Variants in PARD3B observed in about 807,000 individuals in gnomAD.
PARD3B encodes the protein partitioning defective 3 homolog B.
A neutral mutation model predicts 130.2 loss-of-function variants in PARD3B; 103 were observed. That is an observed-to-expected ratio of 0.79 (90% CI 0.67 to 0.93). The LOEUF is 0.93. PARD3B is among the 40% of genes least tolerant of loss of function. PARD3B has a pLI of 0.00. For missense variants in PARD3B, 1,609 were observed against 1,499.2 expected (o/e 1.07, Z -1.21); for synonymous variants, 583 against 553.2 (o/e 1.05, Z -0.76).
Position 204,689,020 on chromosome 2 carries a change from A to T in PARD3B, c.222+2738A>T, listed in dbSNP as rs1308626812. Among the ~76,000 whole-genome samples the T allele has an allele frequency of 6.6e-6, 1 of 152,222 alleles. No individual in the cohort carries two copies. Among genetic ancestry groups the T allele is most frequent in the African/African-American group, 2.4e-5 (1 of 41,462 alleles). On this transcript the variant is annotated intron_variant, in intron 2 of 22. Transcript: ENST00000406610. This position sits in a 1 kb window ranked among gnomAD's most constrained non-coding sequence, Gnocchi z 5.2. ...GTTGGTCTATTGCAGCATATCAGGC[A>T]GGAAAAACAGAAACTTAGAAAGCAG...
intron 4 of PARD3B, among the ~76,000 whole-genome samples, chr2:205,052,750 G>A (rs973075401): frequency 6.6e-6 from 1 of 151,940 alleles, no homozygotes; most frequent in African/African-American, 2.4e-5. Context: ...AAATAATGAA[G>A]GTTAGTTCAT....
At chr2:205,326,617 G>A (rs988788955) in intron 18 of PARD3B, among the ~76,000 whole-genome samples, 1 of 152,018 alleles carries the variant, frequency 6.6e-6, no homozygotes, top group Admixed American at 6.6e-5. Flanking sequence ...AAGAAAATTG[G>A]GGAAAAAATT....
intron 1 of PARD3B, among the ~76,000 whole-genome samples, chr2:204,594,549 A>G (rs889919279): frequency 6.6e-6 from 1 of 152,200 alleles, no homozygotes; most frequent in African/African-American, 2.4e-5. Flanking sequence ...CAGTGGAGCC[A>G]GACTGTATCC....
rs1207032247 is a variant in PARD3B at position 205,470,471 on chromosome 2, T to C, written c.3045-29425T>C. Among the ~76,000 whole-genome samples the C allele has an allele frequency of 1.3e-5, 2 of 152,188 alleles. No individual in the cohort carries two copies. Among genetic ancestry groups the C allele is most frequent in the Non-Finnish European group, 2.9e-5 (2 of 68,042 alleles). On this transcript the variant is annotated intron_variant, in intron 20 of 22. Transcript: ENST00000406610. The surrounding 1 kb of genome is among the most constrained non-coding windows in gnomAD (Gnocchi z 4.8). Reference sequence around the variant, plus strand: ...CTCACCCCTGCAGGAGTATTTAAGCTTAACCCCAGATTTCAGGAGTTAGAG... The same window carrying C: ...CTCACCCCTGCAGGAGTATTTAAGCCTAACCCCAGATTTCAGGAGTTAGAG...
intron 2 of PARD3B, among the ~76,000 whole-genome samples, chr2:204,853,399 G>T (rs549125361): frequency 6.6e-6 from 1 of 152,200 alleles, no homozygotes; most frequent in African/African-American, 2.4e-5. Context: ...GATGAAGCCT[G>T]AATGTGTGAA....
At chr2:205,468,213 G>A (rs755123136) in intron 20 of PARD3B, among the ~76,000 whole-genome samples, 11 of 152,294 alleles carry the variant, frequency 7.2e-5, no homozygotes, top group Non-Finnish European at 1.5e-4. Flanking sequence ...AGAAGGCTTC[G>A]ACAACAACTA....
chr2:204,976,487 G>T (rs554537529), intron 3 of PARD3B, among the ~76,000 whole-genome samples: 1 of 151,644 alleles, frequency 6.6e-6, no homozygotes, highest in Non-Finnish European at 1.5e-5. Flanking sequence ...AGAGAATACT[G>T]TCTGCCACAT....
rs1305099781 is a variant in PARD3B, at chr2:204,803,158, AAAAAAATAT to A, written c.222+116878_222+116886del. 1.3e-3 allele frequency among the ~76,000 whole-genome samples: 180 copies of A among 133,346 alleles called. 1 individual carries two copies. Among genetic ancestry groups the A allele is most frequent in the African/African-American group, 5.1e-3 (173 of 33,738 alleles). The allele number at this position is 133,346 out of a possible 152,430, so 87.5% of individuals were successfully genotyped here. A position where few individuals can be genotyped will look rare whatever the true frequency, so the allele number is the denominator to read the frequency against. On this transcript the variant is annotated intron_variant, in intron 2 of 22. Coordinates refer to ENST00000406610, the MANE Select transcript of PARD3B (RefSeq NM_001302769.2). ...AAGTGCTGAAGGAAAAAAAAAAAAA[AAAAAAATAT>A]ATATATATATATATAATCCTAGATA...
intron 18 of PARD3B, among the ~76,000 whole-genome samples, chr2:205,355,920 C>G (rs1383433266): frequency 1.3e-5 from 2 of 152,170 alleles, no homozygotes; most frequent in African/African-American, 4.8e-5. Flanking sequence ...CTCACTGTCA[C>G]AAGAAAAGCA....
chr2:204,714,445 T>C (rs751096596), intron 2 of PARD3B, among the ~76,000 whole-genome samples: 30 of 152,136 alleles, frequency 2.0e-4, no homozygotes, highest in Non-Finnish European at 3.2e-4. Context: ...CATTCAGAGA[T>C]TTAGTTATTA....
chr2:205,560,487 A>G (rs2053091375), intron 22 of PARD3B, among the ~76,000 whole-genome samples: 1 of 152,130 alleles, frequency 6.6e-6, no homozygotes, highest in South Asian at 2.1e-4. Flanking sequence ...CTGTTAGAAC[A>G]CTCCTGAGAG....
At chr2:205,314,778 A>C (rs1489506946) in intron 18 of PARD3B, among the ~76,000 whole-genome samples, 4 of 152,168 alleles carry the variant, frequency 2.6e-5, no homozygotes, top group Non-Finnish European at 5.9e-5. Context: ...TGGCCCTGCC[A>C]CAACCTCAGC....
intron 18 of PARD3B, among the ~76,000 whole-genome samples, chr2:205,334,820 G>A (rs1293243860): frequency 1.3e-5 from 2 of 152,202 alleles, no homozygotes; most frequent in African/African-American, 4.8e-5. Flanking sequence ...TCACACCAAA[G>A]TGAAGGACAA....
chr2:205,324,403 A>G lies in PARD3B; in HGVS notation c.2630+22702A>G, dbSNP rs139281672. 1.4e-3 allele frequency among the ~76,000 whole-genome samples: 219 copies of G among 152,274 alleles called. 1 individual carries two copies. The highest frequency in any genetic ancestry group is 4.9e-3 in the African/African-American group (205 of 41,558). On this transcript the variant is annotated intron_variant, in intron 18 of 22. Coordinates refer to ENST00000406610, the MANE Select transcript of PARD3B (RefSeq NM_001302769.2). ...TAGAACAACACTCATTTTTATTAAAATAAAAGATTAATACTTCTTTAAAAA... is the reference window on the plus strand; with the variant it reads ...TAGAACAACACTCATTTTTATTAAAGTAAAAGATTAATACTTCTTTAAAAA...
At chr2:205,410,111 T>C (rs1299420526) in intron 19 of PARD3B, among the ~76,000 whole-genome samples, 1 of 152,158 alleles carries the variant, frequency 6.6e-6, no homozygotes, top group African/African-American at 2.4e-5. Context: ...CTTTGATTTT[T>C]CTTTTATTTT....
chr2:205,319,188 A>G (rs775788568), intron 18 of PARD3B, among the ~76,000 whole-genome samples: 5 of 152,182 alleles, frequency 3.3e-5, no homozygotes, highest in Non-Finnish European at 7.3e-5. Flanking sequence ...ACAGAATTCA[A>G]TAAACCAGTA....
intron 18 of PARD3B, among the ~76,000 whole-genome samples, chr2:205,319,676 C>A (rs973924271): frequency 3.9e-5 from 6 of 152,204 alleles, no homozygotes; most frequent in Admixed American, 3.3e-4. Context: ...TGTTGGGCAC[C>A]AAATTTGCTG....
intron 19 of PARD3B, among the ~76,000 whole-genome samples, chr2:205,433,112 A>G (rs1197960129): frequency 6.6e-6 from 1 of 152,238 alleles, no homozygotes; most frequent in Admixed American, 6.5e-5. Context: ...CTGCTTTTAG[A>G]TAATGCATTT....
In PARD3B at chr2:205,121,762, G is replaced by A. The variant is rs771988958; in HGVS notation, c.978G>A (p.Ser326=). 62 of 1,613,858 alleles carry A rather than the reference G, an allele frequency of 3.8e-5. No homozygotes were observed. Among genetic ancestry groups the A allele is most frequent in the South Asian group, 5.5e-5 (5 of 91,066 alleles). ...TGCCGCCTCCTGTCCATGGAAAATCGGGACTAAAGACAGCAAATCTCACAG... is the reference window on the plus strand; with the variant it reads ...TGCCGCCTCCTGTCCATGGAAAATCAGGACTAAAGACAGCAAATCTCACAG... ...TKVPPPVHGK[S]GLKTANLTGT... is the part of the protein sequence containing the mutation. Residue 326 remains serine, a synonymous_variant, in exon 8 of 23, where the codon TCG becomes TCA. Transcript: ENST00000406610. This position sits in a 1 kb window ranked among gnomAD's most constrained non-coding sequence, Gnocchi z 5.0.
Sources: allele counts gnomAD v4.1 joint callset (sites outside exome capture counted in the v4.1 genomes callset), GRCh38; gene constraint gnomAD v4.1.1; non-coding constraint Gnocchi (gnomAD v3.1); transcripts MANE v1.5; gene names NCBI Gene and HGNC (gene_info 2026-07-23, HGNC 2026-07-21).